Variants in ARAP3 observed in about 807,000 individuals in gnomAD.
ARAP3 encodes the protein ArfGAP with RhoGAP domain, ankyrin repeat and PH domain 3, also known as arf-GAP with Rho-GAP domain, ANK repeat and PH domain-containing protein 3.
A neutral mutation model predicts 169.2 loss-of-function variants in ARAP3; 82 were observed. The ratio of observed to expected loss-of-function variants is 0.48; its 90% confidence interval spans 0.41 to 0.58. The LOEUF (loss-of-function observed/expected upper bound fraction) is 0.58, where lower values mean the gene tolerates loss of function less well. ARAP3 is among the 20% of genes least tolerant of loss of function. The pLI, the probability that ARAP3 is intolerant of heterozygous loss-of-function variation, is 0.00. For synonymous variants in ARAP3, 791 were observed against 800.3 expected, an observed-to-expected ratio of 0.99 and a Z score of 0.20; for missense variants, 1,764 against 2,018.0, an observed-to-expected ratio of 0.87 and a Z score of 2.41.
At position 141,659,474 on chromosome 5, in the gene ARAP3, G is replaced by A. The variant is rs146842496; in HGVS notation, c.3270C>T (p.Ile1090=). The change falls in exon 23 of 33, where the codon ATC becomes ATT. Residue 1090 remains isoleucine, a splice_region_variant and synonymous_variant. Transcript: ENST00000239440. ...CAATCTGAGCTACCTGGTCAGAATCGATCTGTGAAAGAGCCAAAAGAGAGT... is the reference window on the plus strand; with the variant it reads ...CAATCTGAGCTACCTGGTCAGAATCAATCTGTGAAAGAGCCAAAAGAGAGT... ...LIDGYISVFD[I]DSDQVAQIDL... is the part of the protein sequence containing the mutation. The A allele has an allele frequency of 1.7e-5, 27 of 1,614,160 alleles. No individual in the cohort carries two copies. The highest frequency in any genetic ancestry group is 1.5e-4 in the African/African-American group (11 of 75,050).
chr5:141,672,604 G>C lies in ARAP3; in HGVS notation c.1333C>G (p.Arg445Gly). Residue 445 changes from arginine (R) to glycine (G), a missense_variant, in exon 9 of 33, where the codon CGG (arginine) becomes GGG (glycine). Around this residue, in one of 3 missense-constraint regions of ARAP3, gnomAD observed 630 missense variants for 678.7 expected, o/e 0.93. Coordinates refer to ENST00000239440, the MANE Select transcript of ARAP3 (RefSeq NM_022481.6). This position sits in a 1 kb window ranked among gnomAD's most constrained non-coding sequence, Gnocchi z 4.9. ...TCAAAGCTTCGACTCTTGGTCTCCCGGACGCTGCAGCCCTGCAGTTCGATG... is the reference window on the plus strand; with the variant it reads ...TCAAAGCTTCGACTCTTGGTCTCCCCGACGCTGCAGCCCTGCAGTTCGATG... The part of the protein sequence containing the change: ...CFIELQGCSV[R>G]ETKSRSFDLL... The C allele has an allele frequency of 6.2e-7, 1 of 1,613,984 alleles. No homozygotes were observed. Among genetic ancestry groups the C allele is most frequent in the African/African-American group, 1.3e-5 (1 of 75,050 alleles).
intron 16 of ARAP3, 94 bp from the exon 17 acceptor site, chr5:141,666,737 A>T: frequency 1.8e-6 from 1 of 563,236 alleles, no homozygotes; most frequent in Non-Finnish European, 2.7e-6. Flanking sequence ...AGCGAAAAGC[A>T]GAGAAAAACA....
rs983724060 is a variant in ARAP3, at chr5:141,671,169, T to C, written c.1990+96A>G. On this transcript the variant is annotated intron_variant, in intron 13 of 32. Transcript: ENST00000239440. This position sits in a 1 kb window ranked among gnomAD's most constrained non-coding sequence, Gnocchi z 4.9. ...TTGGGAAACTGCCCAGGCTGGGCCA[T>C]TGTGATCAGCTAATTGGGGCCCCTT... The C allele has an allele frequency of 2.7e-6, 4 of 1,477,630 alleles. No homozygotes were observed. Among genetic ancestry groups the C allele is most frequent in the Non-Finnish European group, 3.7e-6 (4 of 1,094,650 alleles). 91.5% of individuals were successfully genotyped at this position (1,477,630 alleles called of 1,614,324 possible).
chr5:141,657,712 T>A (rs1006257010), intron 25 of ARAP3, among the ~76,000 whole-genome samples: 7 of 152,280 alleles, frequency 4.6e-5, no homozygotes, highest in Admixed American at 4.6e-4. Context: ...GTGAGTTGTG[T>A]ATGAAGATGA....
Position 141,662,156 on chromosome 5 carries a change from C to T in ARAP3, c.2900G>A (p.Arg967Gln), listed in dbSNP as rs771763089. 9.3e-6 allele frequency: 15 copies of T among 1,614,174 alleles called. 1 individual carries two copies. The highest frequency in any genetic ancestry group is 5.5e-5 in the South Asian group (5 of 91,080). The change falls in exon 20 of 33, where the codon CGA becomes CAA. Residue 967 changes from arginine to glutamine, a missense_variant. Around this residue, in one of 3 missense-constraint regions of ARAP3, gnomAD observed 1,112 missense variants for 1,285.7 expected, o/e 0.86. Transcript: ENST00000239440. Reference sequence around the variant, plus strand: ...ATCCTCCACAAAGTGCTCCCCTGGTCGGAGCTTCACCGACCGGGCATCCCG... The same window carrying T: ...ATCCTCCACAAAGTGCTCCCCTGGTTGGAGCTTCACCGACCGGGCATCCCG... The part of the protein sequence containing the change: ...FRRDARSVKL[R>Q]PGEHFVEDVT...
In ARAP3 at chr5:141,672,840, G is replaced by A. The variant is rs780366132; in HGVS notation, c.1179C>T (p.Pro393=). 6.2e-7 allele frequency: 1 copy of A among 1,611,788 alleles called. No individual in the cohort carries two copies. The highest frequency in any genetic ancestry group is 1.3e-5 in the African/African-American group (1 of 75,014). The change falls in exon 8 of 33, where the codon CCC becomes CCT. Residue 393 remains proline (P), a synonymous_variant. Coordinates refer to ENST00000239440, the MANE Select transcript of ARAP3 (RefSeq NM_022481.6). This position sits in a 1 kb window ranked among gnomAD's most constrained non-coding sequence, Gnocchi z 4.9. ...LLGHPRPPQP[P]RPLRTGMLEL... ...CCAGCATGCCCGTGCGGAGGGGTCG[G>A]GGTGGTTGGGGGGGCCGGGGGTGGC...
chr5:141,679,553 A>G lies in ARAP3; in HGVS notation c.690T>C (p.Ala230=), dbSNP rs1424158686. 6.2e-7 allele frequency: 1 copy of G among 1,614,044 alleles called. No individual in the cohort carries two copies. The highest frequency in any genetic ancestry group is 8.5e-7 in the Non-Finnish European group (1 of 1,179,984). ...CCCTATTTAGTACTCACCTGTGTTC[A>G]GCCCTGCCCTGACAAACACCTCTGC... ...RESRGVCQGR[A]EHRLSRQDLE... The change falls in exon 4 of 33, where the codon GCT becomes GCC. Residue 230 remains alanine, a synonymous_variant. Coordinates refer to ENST00000239440, the MANE Select transcript of ARAP3 (RefSeq NM_022481.6).
chr5:141,661,680 T>C lies in ARAP3; in HGVS notation c.3119+4A>G. On this transcript the variant is annotated splice_donor_region_variant and intron_variant, in intron 21 of 32. Transcript: ENST00000239440. The stretch of plus-strand genomic sequence containing the variant: ...GGTTCTGCAGAGGGTCTAGCCATAC[T>C]GACCGATAGAGATGCCCAATGAGGG... The C allele has an allele frequency of 2.5e-6, 4 of 1,614,108 alleles. No homozygotes were observed. The highest frequency in any genetic ancestry group is 3.4e-6 in the Non-Finnish European group (4 of 1,179,910).
chr5:141,659,511 G>A (rs1352947389), intron 22 of ARAP3, 35 bp from the exon 23 acceptor site: 1 of 1,607,774 alleles, frequency 6.2e-7, no homozygotes, highest in East Asian at 2.2e-5. Context: ...TTGGGGTGCT[G>A]GAAGAGGATC....
At position 141,655,213 on chromosome 5, in the gene ARAP3, A is replaced by ACACACACACC. The variant is rs1192021216; in HGVS notation, c.4149+148_4149+149insGGTGTGTGTG. The stretch of plus-strand genomic sequence containing the variant: ...CACACACACACACACACACACACAC[A>ACACACACACC]CCCTGATGGCCTACACACACACACA... On this transcript the variant is annotated intron_variant, in intron 32 of 32. Transcript: ENST00000239440. 18 of 593,420 alleles carry ACACACACACC rather than the reference A, an allele frequency of 3.0e-5. 2 individuals are homozygous for ACACACACACC. Among genetic ancestry groups the ACACACACACC allele is most frequent in the Non-Finnish European group, 4.5e-5 (16 of 357,136 alleles). 36.8% of individuals were successfully genotyped at this position (593,420 alleles called of 1,614,324 possible). A position where few individuals can be genotyped will look rare whatever the true frequency, so the allele number is the denominator to read the frequency against.
Position 141,680,476 on chromosome 5 carries a change from G to A in ARAP3, c.11C>T (p.Pro4Leu). 6.3e-7 allele frequency: 1 copy of A among 1,596,802 alleles called. No homozygotes were observed. The highest frequency in any genetic ancestry group is 2.2e-5 in the East Asian group (1 of 44,634). ...CCACACAGCGATGTCCAGGTCCTGA[G>A]GGGCAGCCATGGGGGCTCAGGCCAT... MAA[P>L]QDLDIAVWLA... The change falls in exon 2 of 33, where the codon CCT becomes CTT. Residue 4 changes from proline (P) to leucine (L), a missense_variant. Transcript: ENST00000239440.
chr5:141,660,105 A>C (rs1322040038), intron 21 of ARAP3, among the ~76,000 whole-genome samples, 179 bp from the exon 22 acceptor site: 1 of 152,180 alleles, frequency 6.6e-6, no homozygotes, highest in Non-Finnish European at 1.5e-5. Context: ...TTTTTATGTA[A>C]AGGGACAGAT....
At position 141,666,503 on chromosome 5, in the gene ARAP3, G is replaced by A; in HGVS notation, c.2493C>T (p.His831=). 3.1e-6 allele frequency: 5 copies of A among 1,604,500 alleles called. No individual in the cohort carries two copies. The highest frequency in any genetic ancestry group is 4.3e-6 in the Non-Finnish European group (5 of 1,175,558). The part of the protein sequence containing the change: ...LSGFGLLRGD[H]LFLCSAPGPG... The stretch of plus-strand genomic sequence containing the variant: ...GGCCCGGCGCTGAGCACAGGAAGAG[G>A]TGGTCACCACGAAGGAGGCCAAACC... The change falls in exon 17 of 33, where the codon CAC becomes CAT. Residue 831 remains histidine, a synonymous_variant. Coordinates refer to ENST00000239440, the MANE Select transcript of ARAP3 (RefSeq NM_022481.6).
chr5:141,660,137 GGACA>G (rs889035026), intron 21 of ARAP3, among the ~76,000 whole-genome samples: 1 of 152,218 alleles, frequency 6.6e-6, no homozygotes, highest in Non-Finnish European at 1.5e-5. Flanking sequence ...TAGGCTTGCA[GGACA>G]GACAGTCTCT....
In ARAP3 at chr5:141,680,523, G is replaced by T; in HGVS notation, c.-17-20C>A. 7 of 1,551,372 alleles carry T rather than the reference G, an allele frequency of 4.5e-6. No individual in the cohort carries two copies. Among genetic ancestry groups the T allele is most frequent in the Non-Finnish European group, 6.1e-6 (7 of 1,150,976 alleles). On this transcript the variant is annotated intron_variant, in intron 1 of 32. Coordinates refer to ENST00000239440, the MANE Select transcript of ARAP3 (RefSeq NM_022481.6). ...CCATTGCTGGGGGGAGGGGCAGGGTGAAGGGAGGGCTCAGGCTGAGAATCC... is the reference window on the plus strand; with the variant it reads ...CCATTGCTGGGGGGAGGGGCAGGGTTAAGGGAGGGCTCAGGCTGAGAATCC...
Position 141,654,252 on chromosome 5 carries a change from A to G in ARAP3, c.4333T>C (p.Leu1445=), listed in dbSNP as rs373905216. 2.9e-5 allele frequency: 46 copies of G among 1,614,018 alleles called. No individual in the cohort carries two copies. Among genetic ancestry groups the G allele is most frequent in the African/African-American group, 1.7e-4 (13 of 74,896 alleles). ...PENPLTSQKS[L]DQPFLSKSST... Reference sequence around the variant, plus strand: ...GACTTGGAGAGAAAGGGTTGATCCAATGACTTCTGGCTGGTGAGGGGGTTC... The same window carrying G: ...GACTTGGAGAGAAAGGGTTGATCCAGTGACTTCTGGCTGGTGAGGGGGTTC... Residue 1445 remains leucine (L), a synonymous_variant, in exon 33 of 33, where the codon TTG becomes CTG. Transcript: ENST00000239440.
chr5:141,655,223 CCT>C, intron 32 of ARAP3, 137 bp downstream of exon 32: 4 of 645,994 alleles, frequency 6.2e-6, no homozygotes, highest in African/African-American at 2.9e-5. Context: ...ACCCTGATGG[CCT>C]ACACACACAC....
chr5:141,654,355 TTCCTCATACACTGGC>T lies in ARAP3; in HGVS notation c.4215_4229del (p.Pro1406_Glu1410del). The T allele has an allele frequency of 6.2e-7, 1 of 1,614,028 alleles. No homozygotes were observed. Among genetic ancestry groups the T allele is most frequent in the Non-Finnish European group, 8.5e-7 (1 of 1,179,966 alleles). Reference sequence around the variant, plus strand: ...GGATCAACTCAGGGAAGGCCCCTACTTCCTCATACACTGGCTCCTCGTACACAGGCTCCTCCAGCT... The same window carrying T: ...GGATCAACTCAGGGAAGGCCCCTACTTCCTCGTACACAGGCTCCTCCAGCT... On this transcript the variant is annotated inframe_deletion, in exon 33 of 33. Transcript: ENST00000239440.
rs2099910662 is a variant in ARAP3 at position 141,666,503 on chromosome 5, G to C, written c.2493C>G (p.His831Gln). The C allele has an allele frequency of 1.2e-6, 2 of 1,604,500 alleles. No individual in the cohort carries two copies. Among genetic ancestry groups the C allele is most frequent in the South Asian group, 2.2e-5 (2 of 89,220 alleles). Reference protein sequence around the residue: ...LSGFGLLRGDHLFLCSAPGPG... With the variant: ...LSGFGLLRGDQLFLCSAPGPG... ...GGCCCGGCGCTGAGCACAGGAAGAGGTGGTCACCACGAAGGAGGCCAAACC... is the reference window on the plus strand; with the variant it reads ...GGCCCGGCGCTGAGCACAGGAAGAGCTGGTCACCACGAAGGAGGCCAAACC... Residue 831 changes from histidine to glutamine, a missense_variant, in exon 17 of 33, where the codon CAC becomes CAG. Physicochemically the swap from His to Gln is conservative, Grantham distance 24. Around this residue, in one of 3 missense-constraint regions of ARAP3, gnomAD observed 1,112 missense variants for 1,285.7 expected, o/e 0.86. Transcript: ENST00000239440.
Sources: allele counts gnomAD v4.1 joint callset (sites outside exome capture counted in the v4.1 genomes callset), GRCh38; gene constraint gnomAD v4.1.1; regional missense constraint gnomAD v4.1.1; non-coding constraint Gnocchi (gnomAD v3.1); transcripts MANE v1.5; gene names NCBI Gene and HGNC (gene_info 2026-07-23, HGNC 2026-07-21).